The following SRPK2 variants were observed in gnomAD, a reference collection of about 807,000 sequenced individuals.
SRPK2 encodes the protein SFRS protein kinase 2.
In SRPK2, 21 loss-of-function variants were observed where a neutral mutation model predicts 90.8. The ratio of observed to expected loss-of-function variants is 0.23; its 90% CI spans 0.16 to 0.33. The LOEUF is 0.33. Ranked by LOEUF, SRPK2 falls within the 10% of genes least tolerant of loss-of-function variation. The pLI is 1.00. For missense variants in SRPK2, 620 were observed against 869.0 expected (o/e 0.71, Z 3.60); for synonymous variants, 288 against 311.1 (o/e 0.93, Z 0.78).
intron 2 of SRPK2, among the ~76,000 whole-genome samples, chr7:105,207,111 C>T (rs1796318054): frequency 6.6e-6 from 1 of 152,188 alleles, no homozygotes; most frequent in South Asian, 2.1e-4. Context: ...GAAGAGAAAG[C>T]CAAGCCATAC....
At chr7:105,293,454 T>TG (rs564860862) in intron 2 of SRPK2, among the ~76,000 whole-genome samples, 36 of 57,910 alleles carry the variant, frequency 6.2e-4, no homozygotes, top group South Asian at 5.7e-3. Context: ...TCCTTTTTTG[T>TG]GGGGGGGTGG....
At chr7:105,379,366 G>C (rs758519919) in intron 2 of SRPK2, among the ~76,000 whole-genome samples, 1 of 151,954 alleles carries the variant, frequency 6.6e-6, no homozygotes, top group Non-Finnish European at 1.5e-5. Flanking sequence ...AAATATACAG[G>C]AGGATGTGTG....
At chr7:105,366,832 T>G (rs1205465520) in intron 2 of SRPK2, among the ~76,000 whole-genome samples, 1 of 152,234 alleles carries the variant, frequency 6.6e-6, no homozygotes, top group Non-Finnish European at 1.5e-5. Context: ...TAGTCATGTA[T>G]GCTGAATTCA....
Position 105,282,770 on chromosome 7 carries a change from C to T in SRPK2, c.72-78985G>A, listed in dbSNP as rs536707353. Among the ~76,000 whole-genome samples the T allele has an allele frequency of 2.0e-5, 3 of 152,012 alleles. No individual in the cohort carries two copies. In the South Asian group the frequency reaches 6.2e-4, roughly 32 times the overall value. On this transcript the variant is annotated intron_variant, in intron 2 of 15. Coordinates refer to ENST00000393651, the MANE Select transcript of SRPK2 (RefSeq NM_182692.3). ...TGCCACTGCATTCCAGCCTGGGCAACAGAGTGAGACTCTGTCTCAAAAAAT... is the reference window on the plus strand; with the variant it reads ...TGCCACTGCATTCCAGCCTGGGCAATAGAGTGAGACTCTGTCTCAAAAAAT...
rs766771465 is a variant in SRPK2, at chr7:105,214,167, G to C, written c.72-10382C>G. Among the ~76,000 whole-genome samples the C allele has an allele frequency of 1.4e-3, 217 of 152,298 alleles. 3 individuals carry two copies. The highest frequency in any genetic ancestry group is 0.014 in the Middle Eastern group (4 of 294). Reference sequence around the variant, plus strand: ...GATATAGAACATTTCTATCACCACAGAAAGTTATATTGGACAGTAATGCTG... The same window carrying C: ...GATATAGAACATTTCTATCACCACACAAAGTTATATTGGACAGTAATGCTG... On this transcript the variant is annotated intron_variant, in intron 2 of 15. Transcript: ENST00000393651.
In SRPK2 at chr7:105,357,741, T is replaced by C. The variant is rs944043651; in HGVS notation, c.71+30907A>G. On this transcript the variant is annotated intron_variant, in intron 2 of 15. Transcript: ENST00000393651. ...CCTGGGCAACAAGAGCAAGACTCCG[T>C]CTCAAAAAACAAAAAAAACAATAAC... Among the ~76,000 whole-genome samples, 11 of 149,608 alleles carry C rather than the reference T, an allele frequency of 7.4e-5. No homozygotes were observed. The Admixed American group carries it at 7.4e-4, about 10-fold the overall frequency.
At chr7:105,354,336 C>T (rs1175558110) in intron 2 of SRPK2, among the ~76,000 whole-genome samples, 2 of 152,248 alleles carry the variant, frequency 1.3e-5, no homozygotes, top group South Asian at 2.1e-4. Flanking sequence ...GGCTCTTGCC[C>T]GGCAGCTCAT....
chr7:105,163,593 G>A (rs1402072868), intron 6 of SRPK2, among the ~76,000 whole-genome samples: 2 of 151,990 alleles, frequency 1.3e-5, no homozygotes, highest in African/African-American at 4.8e-5. Context: ...TCGGGAATTC[G>A]AGACCAGCCT....
In SRPK2 at chr7:105,148,969, G is replaced by T. The variant is rs1224248758; in HGVS notation, c.622-2311C>A. ...GGGGCACAATGCACTGTGGAAAGCTGCAGGGACCTCTGCCCTTGAAAGCTG... is the reference window on the plus strand; with the variant it reads ...GGGGCACAATGCACTGTGGAAAGCTTCAGGGACCTCTGCCCTTGAAAGCTG... On this transcript the variant is annotated intron_variant, in intron 7 of 15. Transcript: ENST00000393651. Among the ~76,000 whole-genome samples, 9 of 152,238 alleles carry T rather than the reference G, an allele frequency of 5.9e-5. No homozygotes were observed. The East Asian group carries it at 1.3e-3, about 23-fold the overall frequency.
Position 105,149,832 on chromosome 7 carries a change from G to A in SRPK2, c.622-3174C>T, listed in dbSNP as rs1006873847. ...GAAAACAGGAATACCTCTTAAAAAC[G>A]ATCAAAATCCCTACAAACATTTAAA... On this transcript the variant is annotated intron_variant, in intron 7 of 15. Transcript: ENST00000393651. 3.9e-5 allele frequency among the ~76,000 whole-genome samples: 6 copies of A among 152,274 alleles called. No homozygotes were observed. In the East Asian group the frequency reaches 7.7e-4, roughly 20 times the overall value.
At chr7:105,227,927 C>T (rs912161379) in intron 2 of SRPK2, among the ~76,000 whole-genome samples, 3 of 137,332 alleles carry the variant, frequency 2.2e-5, no homozygotes, top group Admixed American at 7.2e-5. Flanking sequence ...TAACTAACAA[C>T]GATAAGACTC....
intron 3 of SRPK2, among the ~76,000 whole-genome samples, chr7:105,197,395 G>C (rs532626830): frequency 2.0e-5 from 3 of 152,138 alleles, no homozygotes; most frequent in Non-Finnish European, 4.4e-5. Flanking sequence ...GAGAACTATG[G>C]ATGATTTTAA....
intron 2 of SRPK2, among the ~76,000 whole-genome samples, chr7:105,289,806 C>T (rs755683530): frequency 1.1e-4 from 16 of 152,018 alleles, no homozygotes; most frequent in Non-Finnish European, 1.5e-4. Context: ...TCCTCCTTCT[C>T]AGCCTCTGAC....
chr7:105,243,634 A>C (rs1178849749), intron 2 of SRPK2, among the ~76,000 whole-genome samples: 1 of 148,458 alleles, frequency 6.7e-6, no homozygotes, highest in Admixed American at 6.7e-5. Flanking sequence ...CCATCTCAAA[A>C]AAAAAAAAAA....
At chr7:105,147,622 C>A (rs1252474678) in intron 7 of SRPK2, among the ~76,000 whole-genome samples, 2 of 152,254 alleles carry the variant, frequency 1.3e-5, no homozygotes, top group African/African-American at 4.8e-5. Context: ...CGGCAACTAC[C>A]ACCACTATTT....
intron 1 of SRPK2, among the ~76,000 whole-genome samples, chr7:105,396,760 A>G (rs1219624371): frequency 1.4e-5 from 2 of 142,494 alleles, no homozygotes; most frequent in East Asian, 2.2e-4. Context: ...GAGGAGAGGA[A>G]AGAGAGAGAA....
intron 13 of SRPK2, among the ~76,000 whole-genome samples, chr7:105,130,516 C>T (rs1398263621): frequency 6.6e-6 from 1 of 152,104 alleles, no homozygotes; most frequent in Non-Finnish European, 1.5e-5. Flanking sequence ...TGCCACTGCA[C>T]TTCAGCTTGG....
chr7:105,138,776 G>A (rs1021648588), intron 11 of SRPK2, among the ~76,000 whole-genome samples: 5 of 152,170 alleles, frequency 3.3e-5, no homozygotes, highest in African/African-American at 1.2e-4. Context: ...TCCAGCCTGG[G>A]CGATAGAGCA....
intron 3 of SRPK2, among the ~76,000 whole-genome samples, chr7:105,193,576 G>A (rs561317232): frequency 1.6e-4 from 25 of 152,220 alleles, no homozygotes; most frequent in African/African-American, 5.8e-4. Context: ...GAAGAATGAC[G>A]GTAGTACTTT....
Sources: allele counts gnomAD v4.1 joint callset (sites outside exome capture counted in the v4.1 genomes callset), GRCh38; gene constraint gnomAD v4.1.1; transcripts MANE v1.5; gene names NCBI Gene and HGNC (gene_info 2026-07-23, HGNC 2026-07-21).